Variants in AAGAB observed in about 807,000 individuals in gnomAD.
The protein encoded by AAGAB is alpha and gamma adaptin binding protein.
AAGAB carries 38 observed loss-of-function variants against 44.1 expected under a neutral mutation model. The observed-to-expected ratio is 0.86, with a 90% CI of 0.67 to 1.13. The LOEUF is 1.13. Ranked by LOEUF, AAGAB falls within the 50% of genes most tolerant of loss-of-function variation. AAGAB has a pLI of 0.00. For synonymous variants in AAGAB, 131 were observed against 131.8 expected (o/e 0.99, Z 0.04); for missense variants, 450 against 373.8 (o/e 1.20, Z -1.68).
Position 67,236,878 on chromosome 15 carries a change from T to G in AAGAB, c.74-58A>C, listed in dbSNP as rs1964483847. 48 of 1,360,196 alleles carry G rather than the reference T, an allele frequency of 3.5e-5. 1 individual carries two copies. The South Asian group carries it at 6.6e-4, about 19-fold the overall frequency. The allele number at this position is 1,360,196 out of a possible 1,614,324, so 84.3% of individuals were successfully genotyped here. A position where few individuals can be genotyped will look rare whatever the true frequency, so the allele number is the denominator to read the frequency against. ...TGCAAAACCAATATACATTGGTTGA[T>G]TTTCTCAGTCAGATACCAGATAAAG... is the stretch of plus-strand genomic sequence containing the variant. On this transcript the variant is annotated intron_variant, in intron 1 of 9. Transcript: ENST00000261880.
intron 5 of AAGAB, among the ~76,000 whole-genome samples, chr15:67,213,194 T>C (rs11637163): frequency 6.6e-6 from 1 of 152,184 alleles, no homozygotes; most frequent in Non-Finnish European, 1.5e-5. Flanking sequence ...CTCTAGTAAG[T>C]TGACACCAGT....
At position 67,236,515 on chromosome 15, in the gene AAGAB, CA is replaced by C; in HGVS notation, c.265-12del. On this transcript the variant is annotated splice_polypyrimidine_tract_variant and intron_variant, in intron 2 of 9. Coordinates refer to ENST00000261880, the MANE Select transcript of AAGAB (RefSeq NM_024666.5). ...ATCAAGGCCCGATTTCTAGAGGGAA[CA>C]AAAAATATAAACAAACAAAAACAGA... 6.2e-7 allele frequency: 1 copy of C among 1,610,814 alleles called. No homozygotes were observed.
intron 5 of AAGAB, chr15:67,220,638 A>ATAATGC (rs1964045355): frequency 6.6e-6 from 1 of 152,244 alleles, no homozygotes; most frequent in Non-Finnish European, 1.5e-5. Flanking sequence ...GCCAAACAAA[A>ATAATGC]TAATGCTCCT....
intron 6 of AAGAB, among the ~76,000 whole-genome samples, chr15:67,209,111 T>C (rs986798319): frequency 2.0e-5 from 3 of 152,212 alleles, no homozygotes; most frequent in African/African-American, 7.2e-5. Flanking sequence ...TACAAGCTCA[T>C]TGAGGACAGG....
intron 5 of AAGAB, among the ~76,000 whole-genome samples, chr15:67,213,767 G>C (rs75139121): frequency 1.9e-3 from 296 of 152,114 alleles, no homozygotes; most frequent in African/African-American, 6.8e-3. Context: ...TTTTCCTAAG[G>C]GTTAGTAATA....
At chr15:67,241,731 G>A (rs1964604647) in intron 1 of AAGAB, among the ~76,000 whole-genome samples, 1 of 152,108 alleles carries the variant, frequency 6.6e-6, no homozygotes, top group Admixed American at 6.5e-5. Flanking sequence ...GAAAGTGCAG[G>A]CACTGGGCAC....
chr15:67,231,553 A>G (rs756683672), intron 5 of AAGAB, among the ~76,000 whole-genome samples: 1 of 152,200 alleles, frequency 6.6e-6, no homozygotes, highest in African/African-American at 2.4e-5. Context: ...TCTACGTCTT[A>G]TAATTTTGGA....
chr15:67,251,751 A>G (rs1459905841), intron 1 of AAGAB, among the ~76,000 whole-genome samples: 2 of 152,214 alleles, frequency 1.3e-5, no homozygotes, highest in African/African-American at 2.4e-5. Context: ...CCACGGCCTA[A>G]TATCACCGAA....
intron 5 of AAGAB, among the ~76,000 whole-genome samples, chr15:67,222,235 C>T (rs987519915): frequency 2.1e-4 from 13 of 63,160 alleles, no homozygotes; most frequent in African/African-American, 7.3e-4. Context: ...CGCGCACGCG[C>T]GCGCGCGCAC....
Position 67,202,184 on chromosome 15 carries a change from C to T in AAGAB, c.*637G>A, listed in dbSNP as rs548622742. 1.3e-5 allele frequency: 2 copies of T among 152,600 alleles called. No individual in the cohort carries two copies. The highest frequency in any genetic ancestry group is 1.9e-4 in the East Asian group (1 of 5,328). The allele number at this position is 152,600 out of a possible 1,614,324, so 9.5% of individuals were successfully genotyped here. A position where few individuals can be genotyped will look rare whatever the true frequency, so the allele number is the denominator to read the frequency against. ...TCCCACTGGAATAGAAATCCTTTGC[C>T]TCATTTATTACAGTCTAAAAATCCA... On this transcript the variant is annotated 3_prime_UTR_variant, in exon 10 of 10. Coordinates refer to ENST00000261880, the MANE Select transcript of AAGAB (RefSeq NM_024666.5).
intron 1 of AAGAB, among the ~76,000 whole-genome samples, chr15:67,246,825 G>A (rs1053002907): frequency 4.6e-5 from 7 of 152,114 alleles, no homozygotes; most frequent in African/African-American, 1.7e-4. Flanking sequence ...GATTGTAAAT[G>A]CACCAATCAG....
intron 5 of AAGAB, among the ~76,000 whole-genome samples, chr15:67,218,251 T>C (rs980154871): frequency 3.9e-5 from 6 of 152,234 alleles, no homozygotes; most frequent in African/African-American, 1.4e-4. Flanking sequence ...TCCTCCACGG[T>C]GGTAATTGTT....
At chr15:67,232,634 T>C (rs1374789401) in intron 4 of AAGAB, 5 of 342,620 alleles carry the variant, frequency 1.5e-5, no homozygotes, top group African/African-American at 1.1e-4. Context: ...CTCATTTTGG[T>C]GGTGGCAAGA....
At chr15:67,252,968 T>A (rs1456531024) in intron 1 of AAGAB, among the ~76,000 whole-genome samples, 1 of 152,236 alleles carries the variant, frequency 6.6e-6, no homozygotes, top group Non-Finnish European at 1.5e-5. Context: ...CAAATACTCC[T>A]GAAATAGGCT....
At position 67,236,715 on chromosome 15, in the gene AAGAB, A is replaced by G; in HGVS notation, c.179T>C (p.Leu60Pro). The change falls in exon 2 of 10, where the codon CTA becomes CCA. Residue 60 changes from leucine (L) to proline (P), a missense_variant. Coordinates refer to ENST00000261880, the MANE Select transcript of AAGAB (RefSeq NM_024666.5). ...DNKYYSADIN[L>P]CVVPNKFLVT... ...AAGAAATTTGTTTGGCACCACACAT[A>G]GATTGATGTCTGCTGAATAGTATTT... 1 of 1,613,856 alleles carries G rather than the reference A, an allele frequency of 6.2e-7. No individual in the cohort carries two copies. The highest frequency in any genetic ancestry group is 8.5e-7 in the Non-Finnish European group (1 of 1,179,756).
At chr15:67,208,710 A>C (rs758992814) in intron 6 of AAGAB, 52 bp from the exon 7 acceptor site, 2 of 1,536,192 alleles carry the variant, frequency 1.3e-6, no homozygotes, top group Non-Finnish European at 9.0e-7. Context: ...CTATTTCAGA[A>C]CTAAATCCAA....
intron 1 of AAGAB, among the ~76,000 whole-genome samples, 155 bp from the exon 2 acceptor site, chr15:67,236,975 T>C (rs927135447): frequency 4.6e-5 from 7 of 152,224 alleles, no homozygotes; most frequent in Non-Finnish European, 1.0e-4. Flanking sequence ...TAATCCTATA[T>C]TCTCTGATCA....
chr15:67,248,577 G>A (rs1004105185), intron 1 of AAGAB, among the ~76,000 whole-genome samples: 7 of 152,220 alleles, frequency 4.6e-5, no homozygotes, highest in Non-Finnish European at 8.8e-5. Context: ...AGACAATGGT[G>A]TCAAAGCAGC....
chr15:67,232,558 G>A, intron 4 of AAGAB: 1 of 403,716 alleles, frequency 2.5e-6, no homozygotes, highest in South Asian at 2.1e-5. Context: ...CTACCTAAGA[G>A]AGAAATTCGG....
Sources: allele counts gnomAD v4.1 joint callset (sites outside exome capture counted in the v4.1 genomes callset), GRCh38; gene constraint gnomAD v4.1.1; transcripts MANE v1.5; gene names NCBI Gene and HGNC (gene_info 2026-07-23, HGNC 2026-07-21).